The following BRD7 variants were observed in gnomAD, a reference collection of about 807,000 sequenced individuals.
The protein encoded by BRD7 is bromodomain containing 7.
BRD7 carries 15 observed loss-of-function variants against 82.1 expected under a neutral mutation model. The observed-to-expected ratio is 0.18, with a 90% CI of 0.12 to 0.28. The LOEUF (loss-of-function observed/expected upper bound fraction) is 0.28, where lower values mean the gene tolerates loss of function less well. BRD7 is among the 10% of genes least tolerant of loss of function. The pLI, the probability that BRD7 is intolerant of heterozygous loss-of-function variation, is 1.00. For missense variants in BRD7, 638 were observed against 779.9 expected (o/e 0.82, Z 2.17); for synonymous variants, 232 against 266.9 (o/e 0.87, Z 1.27).
At chr16:50,343,800 C>T (rs562320604) in intron 5 of BRD7, among the ~76,000 whole-genome samples, 17 of 152,284 alleles carry the variant, frequency 1.1e-4, no homozygotes, top group East Asian at 3.9e-4. Flanking sequence ...ACAAAGCCAC[C>T]GGGAAGCTCG....
rs776378096 is a variant in BRD7, at chr16:50,318,158, G to A, written c.*1053C>T. ...AAATATCTGAAGGTATTTTATTTTC[G>A]TGGTCCTCATGAACTCACTAGAGAT... On this transcript the variant is annotated 3_prime_UTR_variant, in exon 17 of 17. Transcript: ENST00000394688. The A allele has an allele frequency of 9.9e-5, 15 of 152,058 alleles. No individual in the cohort carries two copies. The highest frequency in any genetic ancestry group is 1.9e-4 in the Non-Finnish European group (13 of 68,016). 9.4% of individuals were successfully genotyped at this position (152,058 alleles called of 1,614,324 possible).
chr16:50,333,529 C>T, intron 8 of BRD7, 45 bp downstream of exon 8: 1 of 1,595,654 alleles, frequency 6.3e-7, no homozygotes, highest in African/African-American at 1.4e-5. Flanking sequence ...GTTTCAGATG[C>T]CCCAAATCAG....
Position 50,324,054 on chromosome 16 carries a change from A to C in BRD7, c.1332-356T>G, listed in dbSNP as rs546051305. On this transcript the variant is annotated intron_variant, in intron 11 of 16. Transcript: ENST00000394688. ...CTCAAAAGTTACACCTCCAGTTTGG[A>C]CCACACCCTTTGGTGCTCCACATGG... Among the ~76,000 whole-genome samples the C allele has an allele frequency of 2.2e-4, 33 of 152,206 alleles. No individual in the cohort carries two copies. In the South Asian group the frequency reaches 5.6e-3, roughly 26 times the overall value.
chr16:50,352,418 T>C (rs2038564750), intron 4 of BRD7, among the ~76,000 whole-genome samples: 1 of 152,250 alleles, frequency 6.6e-6, no homozygotes, highest in Non-Finnish European at 1.5e-5. Context: ...TGTGTATACA[T>C]ACCACATTTT....
At chr16:50,355,026 T>G in intron 2 of BRD7, 104 bp from the exon 3 acceptor site, 1 of 1,350,420 alleles carries the variant, frequency 7.4e-7, no homozygotes, top group Non-Finnish European at 1.0e-6. Context: ...AAAGAAAATA[T>G]TCTTAATAAC....
chr16:50,328,528 T>A, intron 9 of BRD7, 141 bp downstream of exon 9: 1 of 608,786 alleles, frequency 1.6e-6, no homozygotes, highest in Non-Finnish European at 2.7e-6. Context: ...TACCATGAAA[T>A]ACATGATGTC....
chr16:50,325,969 C>T, intron 10 of BRD7, 86 bp from the exon 11 acceptor site: 1 of 1,331,122 alleles, frequency 7.5e-7, no homozygotes, highest in Non-Finnish European at 1.0e-6. Context: ...TTTATTCTCT[C>T]CTAACTTTAC....
Position 50,318,800 on chromosome 16 carries a change from C to A in BRD7, c.*411G>T. On this transcript the variant is annotated 3_prime_UTR_variant, in exon 17 of 17. Transcript: ENST00000394688. ...GGGTGGGTGGGAGGTGCCTAATTAC[C>A]CATACAAGGGCATCATTCCCACTGG... 1 of 156,936 alleles carries A rather than the reference C, an allele frequency of 6.4e-6. No homozygotes were observed. The highest frequency in any genetic ancestry group is 1.4e-5 in the Non-Finnish European group (1 of 71,396). The allele number at this position is 156,936 out of a possible 1,614,324, so 9.7% of individuals were successfully genotyped here. A position where few individuals can be genotyped will look rare whatever the true frequency, so the allele number is the denominator to read the frequency against.
chr16:50,328,612 G>A (rs1450035856), intron 9 of BRD7, 57 bp downstream of exon 9: 7 of 1,470,568 alleles, frequency 4.8e-6, no homozygotes, highest in East Asian at 4.6e-5. Context: ...GTTAACCCAG[G>A]TTACTGTTCT....
chr16:50,320,907 T>G, intron 13 of BRD7, 133 bp from the exon 14 acceptor site: 1 of 665,072 alleles, frequency 1.5e-6, no homozygotes, highest in Non-Finnish European at 2.7e-6. Flanking sequence ...CTAATTTTGA[T>G]GCTTACAGAA....
chr16:50,333,609 C>T lies in BRD7; in HGVS notation c.976G>A (p.Gly326Arg). 1.2e-6 allele frequency: 2 copies of T among 1,611,904 alleles called. No homozygotes were observed. Among genetic ancestry groups the T allele is most frequent in the African/African-American group, 1.3e-5 (1 of 74,974 alleles). ...EQLDRIVKESGGKLTRRLVNS... is the reference protein window; with the variant it reads ...EQLDRIVKESRGKLTRRLVNS... ...ACAAGCCGCCTGGTCAGCTTTCCTC[C>T]AGATTCCTTCACGATGCGGTCAAGC... is the stretch of plus-strand genomic sequence containing the variant. Residue 326 changes from glycine to arginine, a missense_variant, in exon 8 of 17, where the codon GGA becomes AGA. By Grantham distance (125) the Gly-to-Arg change is moderately radical (BLOSUM62 -2). Coordinates refer to ENST00000394688, the MANE Select transcript of BRD7 (RefSeq NM_013263.5).
At chr16:50,368,635 GGCCCCGGGCC>G (rs1268754425) in intron 1 of BRD7, 81 bp downstream of exon 1, 8 of 1,388,634 alleles carry the variant, frequency 5.8e-6, no homozygotes, top group Non-Finnish European at 7.8e-6. Flanking sequence ...GGGAAGGAAG[GGCCCCGGGCC>G]GCCCCGGAGC....
chr16:50,333,435 T>C, intron 8 of BRD7, 139 bp downstream of exon 8: 1 of 1,082,638 alleles, frequency 9.2e-7, no homozygotes, highest in Non-Finnish European at 1.3e-6. Flanking sequence ...CCATTATTAA[T>C]TGTTTTTCTG....
At chr16:50,356,326 C>T (rs1350880017) in intron 2 of BRD7, among the ~76,000 whole-genome samples, 1 of 152,128 alleles carries the variant, frequency 6.6e-6, no homozygotes, top group Non-Finnish European at 1.5e-5. Flanking sequence ...GTATGGTCTA[C>T]ATGGAGACTT....
intron 12 of BRD7, among the ~76,000 whole-genome samples, chr16:50,322,375 C>T (rs1033717503): frequency 2.0e-5 from 3 of 152,144 alleles, no homozygotes; most frequent in Admixed American, 6.5e-5. Context: ...GGAAGGAGTT[C>T]TAGGGATTAC....
intron 14 of BRD7, 125 bp from the exon 15 acceptor site, chr16:50,320,516 A>G: frequency 6.9e-7 from 1 of 1,442,484 alleles, no homozygotes; most frequent in East Asian, 2.3e-5. Flanking sequence ...GCTTGAAATG[A>G]CATCAACACG....
chr16:50,340,973 T>C (rs1220223594), intron 5 of BRD7, among the ~76,000 whole-genome samples: 1 of 152,168 alleles, frequency 6.6e-6, no homozygotes, highest in East Asian at 1.9e-4. Flanking sequence ...TTAATAGTGA[T>C]GACAGGTTAG....
rs1373697423 is a variant in BRD7 at position 50,317,795 on chromosome 16, T to C, written c.*1416A>G. 3 of 152,344 alleles carry C rather than the reference T, an allele frequency of 2.0e-5. No homozygotes were observed. Among genetic ancestry groups the C allele is most frequent in the Non-Finnish European group, 4.4e-5 (3 of 68,026 alleles). 9.4% of individuals were successfully genotyped at this position (152,344 alleles called of 1,614,324 possible). ...ACGTATCTAACAAACAAACAAACAG[T>C]GACCTTCTCCATGGGTCAAGGACTT... On this transcript the variant is annotated 3_prime_UTR_variant, in exon 17 of 17. Coordinates refer to ENST00000394688, the MANE Select transcript of BRD7 (RefSeq NM_013263.5).
At chr16:50,324,498 CA>C (rs2037253985) in intron 11 of BRD7, among the ~76,000 whole-genome samples, 1 of 152,182 alleles carries the variant, frequency 6.6e-6, no homozygotes, top group South Asian at 2.1e-4. Context: ...CCACTCTCAT[CA>C]ACGCCCTCCC....
Sources: gnomAD v4.1 joint callset for allele counts (sites outside exome capture counted in the v4.1 genomes callset) on GRCh38, gnomAD v4.1.1 for gene constraint, MANE v1.5 for transcripts, NCBI Gene and HGNC (gene_info 2026-07-23, HGNC 2026-07-21) for gene names.